The following ANO1 variants were observed in gnomAD, a reference collection of about 807,000 sequenced individuals.
The protein encoded by ANO1 is anoctamin 1, also known as anoctamin-1.
A neutral mutation model predicts 124.0 loss-of-function variants in ANO1; 59 were observed. The ratio of observed to expected loss-of-function variants is 0.48; its 90% CI spans 0.39 to 0.59. ANO1 has a LOEUF of 0.59. Ranked by LOEUF, ANO1 falls within the 20% of genes least tolerant of loss-of-function variation. ANO1 has a pLI of 0.00. For missense variants in ANO1, 1,059 were observed against 1,328.0 expected (o/e 0.80, Z 3.15); for synonymous variants, 529 against 532.0 (o/e 0.99, Z 0.08).
chr11:70,035,514 C>T (rs931658731), intron 1 of ANO1, among the ~76,000 whole-genome samples: 52 of 120,122 alleles, frequency 4.3e-4, no homozygotes, highest in African/African-American at 1.6e-3. Context: ...GCCCAGTAAG[C>T]TGTTGCTATA....
Position 70,153,087 on chromosome 11 carries a change from G to A in ANO1, c.1384G>A (p.Val462Ile), listed in dbSNP as rs768379585. ...DHPRAEYEAR[V>I]LEKSLKKESR... Reference sequence around the variant, plus strand: ...TCCTAGAGCTGAATACGAAGCCAGAGTCTTGGAGAAGTCTCTGAAGAAAGA... The same window carrying A: ...TCCTAGAGCTGAATACGAAGCCAGAATCTTGGAGAAGTCTCTGAAGAAAGA... The change falls in exon 14 of 26, where the codon GTC (valine) becomes ATC (isoleucine). Residue 462 changes from valine (V) to isoleucine (I), a missense_variant. Val to Ile is a conservative substitution (Grantham distance 29). Coordinates refer to ENST00000355303, the MANE Select transcript of ANO1 (RefSeq NM_018043.7). 12 of 1,608,076 alleles carry A rather than the reference G, an allele frequency of 7.5e-6. No individual in the cohort carries two copies. The Admixed American group carries it at 2.0e-4, about 27-fold the overall frequency.
Position 70,187,969 on chromosome 11 carries a change from G to A in ANO1, c.2926G>A (p.Ala976Thr), listed in dbSNP as rs143248839. The A allele has an allele frequency of 1.3e-6, 2 of 1,571,522 alleles. No individual in the cohort carries two copies. The highest frequency in any genetic ancestry group is 2.4e-5 in the East Asian group (1 of 42,464). ...CTGCCCAGACAGCCTCGGCAGCCCA[G>A]CCCCCAGCCATGCCTACCACGGGGG... ...KACPDSLGSP[A>T]PSHAYHGGVL Residue 976 changes from alanine (A) to threonine (T), a missense_variant, in exon 26 of 26, where the codon GCC (alanine) becomes ACC (threonine). Physicochemically the swap from Ala to Thr is moderately conservative, Grantham distance 58. Coordinates refer to ENST00000355303, the MANE Select transcript of ANO1 (RefSeq NM_018043.7).
the ANO1 span, among the ~76,000 whole-genome samples, chr11:69,968,618 C>T: frequency 6.6e-6 from 1 of 152,210 alleles, no homozygotes; most frequent in African/African-American, 2.4e-5. Context: ...TCCTCGGTGG[C>T]CCCCGATGGC....
intron 1 of ANO1, among the ~76,000 whole-genome samples, chr11:70,025,860 GTGA>G (rs1301791920): frequency 0.023 from 3,148 of 135,332 alleles, 84 homozygotes; most frequent in Non-Finnish European, 0.036. Context: ...GGTGGTGATG[GTGA>G]TGATGATGAT....
chr11:70,161,073 G>A (rs1336648944), intron 16 of ANO1, 88 bp from the exon 17 acceptor site: 8 of 1,237,790 alleles, frequency 6.5e-6, no homozygotes, highest in Admixed American at 4.9e-5. Flanking sequence ...GAAGGTTGGG[G>A]GACAGCTGGA....
At chr11:69,969,961 A>C in the ANO1 span, among the ~76,000 whole-genome samples, 1 of 152,032 alleles carries the variant, frequency 6.6e-6, no homozygotes, top group African/African-American at 2.4e-5. Flanking sequence ...ACAAACAAAC[A>C]AACAAAACGA....
intron 1 of ANO1, among the ~76,000 whole-genome samples, chr11:70,046,910 C>T (rs370920754): frequency 1.0e-3 from 159 of 151,786 alleles, no homozygotes; most frequent in African/African-American, 3.7e-3. Context: ...CCTGTCTCTA[C>T]TAAAAATACA....
chr11:70,181,117 G>A (rs573189741), intron 23 of ANO1, among the ~76,000 whole-genome samples: 13 of 152,300 alleles, frequency 8.5e-5, no homozygotes, highest in East Asian at 1.9e-4. Flanking sequence ...ATGAAAACCC[G>A]AGGCAGCCAT....
intron 2 of ANO1, among the ~76,000 whole-genome samples, chr11:70,098,394 G>T (rs1422166477): frequency 6.6e-6 from 1 of 152,178 alleles, no homozygotes; most frequent in Non-Finnish European, 1.5e-5. Flanking sequence ...GCCCGATATG[G>T]GAGGTGCCTG....
intron 1 of ANO1, among the ~76,000 whole-genome samples, chr11:69,988,067 T>A (rs1004803155): frequency 6.6e-6 from 1 of 152,176 alleles, no homozygotes; most frequent in Admixed American, 6.5e-5. Flanking sequence ...TGCTGCCAGA[T>A]GCACCATTCC....
At chr11:70,010,013 A>T (rs1856561270) in intron 1 of ANO1, among the ~76,000 whole-genome samples, 1 of 151,780 alleles carries the variant, frequency 6.6e-6, no homozygotes, top group African/African-American at 2.4e-5. Context: ...ATAGGTGAGA[A>T]CATACAATGT....
At chr11:70,028,984 G>T (rs782494291) in intron 1 of ANO1, among the ~76,000 whole-genome samples, 7 of 152,132 alleles carry the variant, frequency 4.6e-5, no homozygotes, top group African/African-American at 7.2e-5. Flanking sequence ...ATTTCACCAT[G>T]TTGGCCAGGC....
intron 1 of ANO1, chr11:70,020,884 T>C (rs1386699434): frequency 2.0e-5 from 3 of 152,218 alleles, no homozygotes; most frequent in Admixed American, 2.0e-4. Flanking sequence ...AGAGCTAACC[T>C]TTTTAGAAAA....
intron 1 of ANO1, among the ~76,000 whole-genome samples, chr11:70,060,681 G>A (rs1857552103): frequency 6.6e-6 from 1 of 152,204 alleles, no homozygotes; most frequent in African/African-American, 2.4e-5. Flanking sequence ...TGATTTTGAA[G>A]GCCTCTAGAA....
At chr11:70,100,028 T>C (rs760803913) in intron 2 of ANO1, among the ~76,000 whole-genome samples, 12 of 152,142 alleles carry the variant, frequency 7.9e-5, no homozygotes, top group Admixed American at 7.9e-4. Flanking sequence ...CCACACCTTA[T>C]GTCCTTCAGC....
intron 23 of ANO1, among the ~76,000 whole-genome samples, chr11:70,181,347 C>G (rs367573791): frequency 1.3e-5 from 2 of 152,174 alleles, no homozygotes; most frequent in Admixed American, 6.5e-5. Context: ...CACTCAGCCC[C>G]GGAGAAGGGC....
intron 9 of ANO1, among the ~76,000 whole-genome samples, chr11:70,125,626 C>T (rs752938013): frequency 5.3e-5 from 8 of 151,662 alleles, no homozygotes; most frequent in Non-Finnish European, 8.8e-5. Flanking sequence ...GGGCGGATCA[C>T]GAGGTCAGGA....
chr11:70,171,599 C>A (rs2048475505), intron 22 of ANO1, among the ~76,000 whole-genome samples: 1 of 152,154 alleles, frequency 6.6e-6, no homozygotes, highest in African/African-American at 2.4e-5. Flanking sequence ...GCTTTTTCAC[C>A]CCGTCACTAA....
intron 1 of ANO1, among the ~76,000 whole-genome samples, chr11:70,046,375 TG>T (rs1295369454): frequency 6.6e-6 from 1 of 152,176 alleles, no homozygotes; most frequent in Non-Finnish European, 1.5e-5. Flanking sequence ...TTAACATACC[TG>T]CAGCTCTGAG....
Sources: allele counts gnomAD v4.1 joint callset (sites outside exome capture counted in the v4.1 genomes callset), GRCh38; gene constraint gnomAD v4.1.1; transcripts MANE v1.5; gene names NCBI Gene and HGNC (gene_info 2026-07-23, HGNC 2026-07-21).